Variants in LRP1B observed in about 807,000 individuals in gnomAD.
The protein encoded by LRP1B is low-density lipoprotein receptor-related protein 1B.
Under a neutral mutation model 556.6 loss-of-function variants are expected in LRP1B, and 217 were observed. The ratio of observed to expected loss-of-function variants is 0.39; its 90% CI spans 0.35 to 0.44. The LOEUF (loss-of-function observed/expected upper bound fraction) is 0.44, where lower values mean the gene tolerates loss of function less well. Ranked by LOEUF, LRP1B falls within the 20% of genes least tolerant of loss-of-function variation. The probability of loss-of-function intolerance (pLI) is 1.00; values close to 1 mark genes in which losing one functional copy is unlikely to be tolerated. For synonymous variants in LRP1B, 2,047 were observed against 1,865.8 expected (o/e 1.10, Z -2.50); for missense variants, 5,053 against 5,620.8 (o/e 0.90, Z 3.23).
At chr2:141,811,129 T>C (rs1230165889) in intron 1 of LRP1B, among the ~76,000 whole-genome samples, 1 of 152,148 alleles carries the variant, frequency 6.6e-6, no homozygotes, top group East Asian at 1.9e-4. Flanking sequence ...CATCAGATGT[T>C]TGTTTTCCAC....
intron 3 of LRP1B, among the ~76,000 whole-genome samples, chr2:141,333,585 TTTGCTC>T (rs1429886699): frequency 4.0e-4 from 61 of 152,324 alleles, no homozygotes; most frequent in Admixed American, 7.2e-4. Flanking sequence ...ACAAATTATG[TTTGCTC>T]TTTCAATTTA....
intron 86 of LRP1B, among the ~76,000 whole-genome samples, chr2:140,254,270 ATAG>A (rs1681577689): frequency 6.6e-6 from 1 of 152,176 alleles, no homozygotes; most frequent in African/African-American, 2.4e-5. Flanking sequence ...ATTTAGGGCA[ATAG>A]TAGCATATCA....
intron 41 of LRP1B, among the ~76,000 whole-genome samples, chr2:140,607,742 G>A (rs1682923695): frequency 1.3e-5 from 2 of 151,866 alleles, no homozygotes; most frequent in Non-Finnish European, 2.9e-5. Context: ...ATGTGAATAT[G>A]TAGATATGGT....
intron 3 of LRP1B, among the ~76,000 whole-genome samples, chr2:141,271,585 T>C (rs1353417746): frequency 1.3e-5 from 2 of 151,850 alleles, no homozygotes; most frequent in South Asian, 2.1e-4. Flanking sequence ...GATAATATAT[T>C]CAAAGTGCTG....
rs771740554 is a variant in LRP1B, at chr2:140,950,404, T to C, written c.2969-2A>G. On this transcript the variant is annotated splice_acceptor_variant, in intron 19 of 90. Coordinates refer to ENST00000389484, the MANE Select transcript of LRP1B (RefSeq NM_018557.3). LOFTEE classifies it high-confidence loss of function. Reference sequence around the variant, plus strand: ...CACTCCCGTCCCCACAGTCGTCATCTGGAAAGAAACATCAACATGAGGCAG... The same window carrying C: ...CACTCCCGTCCCCACAGTCGTCATCCGGAAAGAAACATCAACATGAGGCAG... 1 of 1,590,804 alleles carries C rather than the reference T, an allele frequency of 6.3e-7. No individual in the cohort carries two copies. Among genetic ancestry groups the C allele is most frequent in the Admixed American group, 1.9e-5 (1 of 54,024 alleles).
chr2:142,074,256 G>T (rs1264252264), intron 1 of LRP1B, among the ~76,000 whole-genome samples: 1 of 151,990 alleles, frequency 6.6e-6, no homozygotes, highest in Non-Finnish European at 1.5e-5. Context: ...TACCTTTCCT[G>T]GGTCCTCCAA....
intron 6 of LRP1B, among the ~76,000 whole-genome samples, chr2:141,220,506 C>A (rs1309353669): frequency 6.6e-6 from 1 of 151,802 alleles, no homozygotes; most frequent in African/African-American, 2.4e-5. Flanking sequence ...TTCACGACAT[C>A]CAGGAGAACT....
intron 20 of LRP1B, among the ~76,000 whole-genome samples, chr2:140,926,184 G>A (rs1694881282): frequency 6.6e-6 from 1 of 150,912 alleles, no homozygotes; most frequent in Non-Finnish European, 1.5e-5. Flanking sequence ...GTCCGAAGAA[G>A]AAAATATAAT....
chr2:140,632,515 T>C (rs66993040), intron 41 of LRP1B, among the ~76,000 whole-genome samples: 11,149 of 152,036 alleles, frequency 0.073, 521 homozygotes, highest in East Asian at 0.18. Context: ...ATATAATTGA[T>C]ATGCTAAAAG....
At chr2:140,518,949 A>G (rs1690035951) in intron 49 of LRP1B, among the ~76,000 whole-genome samples, 1 of 151,710 alleles carries the variant, frequency 6.6e-6, no homozygotes, top group Non-Finnish European at 1.5e-5. Context: ...TGCCCTGGCC[A>G]GAAATAAAAG....
chr2:140,344,869 A>C (rs1484223152), intron 77 of LRP1B, among the ~76,000 whole-genome samples: 1 of 151,734 alleles, frequency 6.6e-6, no homozygotes, highest in East Asian at 1.9e-4. Context: ...GGTGAAGAAC[A>C]GGAGCAAGCA....
intron 86 of LRP1B, among the ~76,000 whole-genome samples, chr2:140,265,719 A>G (rs2104935591): frequency 6.6e-6 from 1 of 152,216 alleles, no homozygotes; most frequent in South Asian, 2.1e-4. Context: ...GAAATAGTAC[A>G]TACTTACTTT....
intron 2 of LRP1B, among the ~76,000 whole-genome samples, chr2:141,663,038 C>G (rs1690285381): frequency 6.6e-6 from 1 of 152,156 alleles, no homozygotes; most frequent in Admixed American, 6.5e-5. Context: ...GACACTTACT[C>G]AAAACCACAC....
intron 84 of LRP1B, among the ~76,000 whole-genome samples, chr2:140,284,444 C>G (rs1683043190): frequency 6.6e-6 from 1 of 151,412 alleles, no homozygotes; most frequent in Non-Finnish European, 1.5e-5. Flanking sequence ...CAGATGAGAG[C>G]ATCATGAGGA....
At chr2:141,228,141 C>T (rs949790674) in intron 6 of LRP1B, among the ~76,000 whole-genome samples, 10 of 151,986 alleles carry the variant, frequency 6.6e-5, no homozygotes, top group African/African-American at 2.4e-4. Context: ...GGTTTTGAAC[C>T]CCTAACCTCA....
intron 20 of LRP1B, among the ~76,000 whole-genome samples, chr2:140,933,404 A>G (rs936706503): frequency 6.6e-6 from 1 of 152,044 alleles, no homozygotes; most frequent in Admixed American, 6.6e-5. Flanking sequence ...TAGGTTATTC[A>G]TGTTTTTTGT....
intron 3 of LRP1B, among the ~76,000 whole-genome samples, chr2:141,420,510 G>T (rs1452848161): frequency 1.3e-5 from 2 of 151,888 alleles, no homozygotes; most frequent in Non-Finnish European, 2.9e-5. Context: ...AAGCTCGTAA[G>T]TTTTTGCTCT....
At position 141,179,167 on chromosome 2, in the gene LRP1B, G is replaced by T. The variant is rs549313273; in HGVS notation, c.1013+9254C>A. Among the ~76,000 whole-genome samples, 209 of 151,982 alleles carry T rather than the reference G, an allele frequency of 1.4e-3. 6 individuals carry two copies. Among genetic ancestry groups the T allele is most frequent in the Admixed American group, 0.014 (208 of 15,234 alleles). ...GAAAATTTTTGTTTTTGCAGAAAAT[G>T]AATCAGAAACCTTATCAATTTGGAG... is the stretch of plus-strand genomic sequence containing the variant. On this transcript the variant is annotated intron_variant, in intron 7 of 90. Transcript: ENST00000389484.
chr2:140,645,828 G>A (rs952878550), intron 41 of LRP1B, among the ~76,000 whole-genome samples: 2 of 151,818 alleles, frequency 1.3e-5, no homozygotes, highest in Admixed American at 6.6e-5. Context: ...GTGAGCCATC[G>A]CACCGGGCCT....
Sources: allele counts gnomAD v4.1 joint callset (sites outside exome capture counted in the v4.1 genomes callset), GRCh38; gene constraint gnomAD v4.1.1; transcripts MANE v1.5; gene names NCBI Gene and HGNC (gene_info 2026-07-23, HGNC 2026-07-21).